The following PRKCA variants were observed in gnomAD, a reference collection of about 807,000 sequenced individuals.
PRKCA encodes protein kinase C alpha.
Under a neutral mutation model 87.0 loss-of-function variants are expected in PRKCA, and 27 were observed. That is an observed-to-expected ratio of 0.31 (90% CI 0.23 to 0.43). The LOEUF (loss-of-function observed/expected upper bound fraction) is 0.43, where lower values mean the gene tolerates loss of function less well. Ranked by LOEUF, PRKCA falls within the 20% of genes least tolerant of loss-of-function variation. The probability of loss-of-function intolerance (pLI) is 1.00; values close to 1 mark genes in which losing one functional copy is unlikely to be tolerated. For synonymous variants in PRKCA, 329 were observed against 311.1 expected, an observed-to-expected ratio of 1.06 and a Z score of -0.61; for missense variants, 518 against 852.3, an observed-to-expected ratio of 0.61 and a Z score of 4.88.
intron 14 of PRKCA, chr17:66,775,337 G>A (rs1975023421): frequency 2.0e-6 from 2 of 985,312 alleles, no homozygotes; most frequent in Non-Finnish European, 2.4e-6. Flanking sequence ...GCCGAGCACA[G>A]ATCAGTTACA....
At chr17:66,780,388 T>C (rs71361448) in intron 14 of PRKCA, among the ~76,000 whole-genome samples, 3 of 151,862 alleles carry the variant, frequency 2.0e-5, no homozygotes, top group African/African-American at 7.3e-5. Flanking sequence ...TTGAAAATAA[T>C]ATAAGAGGCT....
At chr17:66,536,062 T>C (rs918910968) in intron 3 of PRKCA, among the ~76,000 whole-genome samples, 1 of 152,234 alleles carries the variant, frequency 6.6e-6, no homozygotes, top group African/African-American at 2.4e-5. Context: ...TTTCTGTTTC[T>C]TACCTGGTTT....
At chr17:66,459,295 C>A (rs1020833141) in intron 2 of PRKCA, among the ~76,000 whole-genome samples, 3 of 151,888 alleles carry the variant, frequency 2.0e-5, no homozygotes, top group Non-Finnish European at 4.4e-5. Flanking sequence ...GCAGGAGGAT[C>A]AATTGAGCCT....
intron 16 of PRKCA, among the ~76,000 whole-genome samples, chr17:66,795,196 G>T (rs1413015357): frequency 6.6e-6 from 1 of 152,164 alleles, no homozygotes; most frequent in African/African-American, 2.4e-5. Flanking sequence ...TAGGTATGTA[G>T]TGCAGGGGCT....
At chr17:66,307,030 G>T (rs915375704) in intron 2 of PRKCA, among the ~76,000 whole-genome samples, 3 of 152,124 alleles carry the variant, frequency 2.0e-5, no homozygotes, top group Admixed American at 6.5e-5. Context: ...AGAGAGAAAG[G>T]CACTGTGTAC....
intron 2 of PRKCA, among the ~76,000 whole-genome samples, chr17:66,394,642 G>C (rs1910555273): frequency 6.6e-6 from 1 of 152,088 alleles, no homozygotes; most frequent in Admixed American, 6.5e-5. Context: ...TAGGCTTTGT[G>C]TCCCCACCCA....
chr17:66,378,233 G>T (rs1389407314), intron 2 of PRKCA, among the ~76,000 whole-genome samples: 1 of 152,154 alleles, frequency 6.6e-6, no homozygotes, highest in Non-Finnish European at 1.5e-5. Flanking sequence ...TGAGGCAGGA[G>T]AATCGCTTGA....
rs561564431 is a variant in PRKCA at position 66,765,305 on chromosome 17, C to T, written c.1525-8682C>T. Among the ~76,000 whole-genome samples, 40 of 150,710 alleles carry T rather than the reference C, an allele frequency of 2.7e-4. No homozygotes were observed. The South Asian group carries it at 5.7e-3, about 21-fold the overall frequency. On this transcript the variant is annotated intron_variant, in intron 13 of 16. Transcript: ENST00000413366. ...ATGGGTGCCTATAATCCCAGCTACT[C>T]GGGAGACTGAGGCGGGAGAATCGCT...
chr17:66,478,700 A>G (rs1312318566), intron 2 of PRKCA, among the ~76,000 whole-genome samples: 5 of 152,082 alleles, frequency 3.3e-5, no homozygotes, highest in African/African-American at 1.2e-4. Flanking sequence ...GAGAATATAG[A>G]TGAACAAAAA....
At chr17:66,493,922 G>A (rs1567857496) in intron 2 of PRKCA, among the ~76,000 whole-genome samples, 1 of 152,154 alleles carries the variant, frequency 6.6e-6, no homozygotes, top group East Asian at 1.9e-4. Context: ...GGCATTATAG[G>A]CCTCAATCTA....
intron 2 of PRKCA, among the ~76,000 whole-genome samples, chr17:66,403,166 C>G (rs1911137702): frequency 6.6e-6 from 1 of 152,066 alleles, no homozygotes; most frequent in Non-Finnish European, 1.5e-5. Flanking sequence ...TTCTTGGTGA[C>G]TTGTGTTGAG....
chr17:66,712,503 T>A (rs553708594), intron 8 of PRKCA, among the ~76,000 whole-genome samples: 1 of 152,080 alleles, frequency 6.6e-6, no homozygotes, highest in Non-Finnish European at 1.5e-5. Context: ...AGGGAAGTAA[T>A]GAGAGGGGAG....
chr17:66,694,210 G>A (rs969293414), intron 8 of PRKCA, among the ~76,000 whole-genome samples: 32 of 152,058 alleles, frequency 2.1e-4, no homozygotes, highest in East Asian at 3.9e-4. Context: ...TTGGCCAGGC[G>A]CGGTGGCTCA....
At chr17:66,753,831 C>T (rs1974488663) in intron 13 of PRKCA, among the ~76,000 whole-genome samples, 1 of 152,094 alleles carries the variant, frequency 6.6e-6, no homozygotes, top group South Asian at 2.1e-4. Context: ...AGCACGGCAC[C>T]AAGAGAGGCC....
intron 2 of PRKCA, among the ~76,000 whole-genome samples, chr17:66,306,685 C>T (rs774414453): frequency 9.2e-5 from 14 of 152,118 alleles, no homozygotes; most frequent in Admixed American, 4.6e-4. Context: ...ACATATCTGA[C>T]AAAACGTGAT....
intron 2 of PRKCA, among the ~76,000 whole-genome samples, chr17:66,364,812 A>G (rs1908605433): frequency 6.6e-6 from 1 of 152,088 alleles, no homozygotes. Context: ...TTTCTATCCC[A>G]TCATGGTTTT....
intron 2 of PRKCA, among the ~76,000 whole-genome samples, chr17:66,460,615 T>A (rs567137279): frequency 1.1e-4 from 17 of 152,330 alleles, no homozygotes; most frequent in South Asian, 8.3e-4. Context: ...AAACCTTGTC[T>A]TGCCCTCCTA....
intron 3 of PRKCA, among the ~76,000 whole-genome samples, chr17:66,596,009 G>A (rs1230929654): frequency 1.3e-5 from 2 of 152,308 alleles, no homozygotes; most frequent in South Asian, 4.2e-4. Context: ...CATCCTGTAG[G>A]GATGGGTGGT....
chr17:66,384,803 T>A lies in PRKCA; in HGVS notation c.205+78676T>A, dbSNP rs566764654. ...GTCACCACACCTGGCTAATTTTTTTTATATTTTTAGTAGAGACGGGGTTTC... is the reference window on the plus strand; with the variant it reads ...GTCACCACACCTGGCTAATTTTTTTAATATTTTTAGTAGAGACGGGGTTTC... On this transcript the variant is annotated intron_variant, in intron 2 of 16. Transcript: ENST00000413366. Among the ~76,000 whole-genome samples, 379 of 152,162 alleles carry A rather than the reference T, an allele frequency of 2.5e-3. 1 individual carries two copies. Among genetic ancestry groups the A allele is most frequent in the African/African-American group, 8.6e-3 (359 of 41,518 alleles).
Sources: allele counts gnomAD v4.1 joint callset (sites outside exome capture counted in the v4.1 genomes callset), GRCh38; gene constraint gnomAD v4.1.1; transcripts MANE v1.5; gene names NCBI Gene and HGNC (gene_info 2026-07-23, HGNC 2026-07-21).